PCDHA3: variants seen among roughly 807,000 people sequenced by gnomAD.
PCDHA3 encodes protocadherin alpha 3.
In PCDHA3, 41 loss-of-function variants were observed where a neutral mutation model predicts 62.2. That is an observed-to-expected ratio of 0.66 (90% CI 0.51 to 0.86). The LOEUF (loss-of-function observed/expected upper bound fraction) is 0.86, where lower values mean the gene tolerates loss of function less well. PCDHA3 is among the 40% of genes least tolerant of loss of function. The pLI is 0.00. For missense variants in PCDHA3, 1,304 were observed against 1,241.2 expected (o/e 1.05, Z -0.76); for synonymous variants, 640 against 555.4 (o/e 1.15, Z -2.14).
chr5:140,841,253 G>A, intron 1 of PCDHA3: 1 of 1,510,284 alleles, frequency 6.6e-7, no homozygotes, highest in Non-Finnish European at 8.9e-7. Context: ...TGGATTAAAA[G>A]ACTCTGAAAG....
chr5:140,939,798 C>A (rs2092461303), intron 1 of PCDHA3, among the ~76,000 whole-genome samples: 1 of 152,138 alleles, frequency 6.6e-6, no homozygotes, highest in African/African-American at 2.4e-5. Flanking sequence ...TATAAATGTT[C>A]TGCATGTTCA....
chr5:140,980,427 C>T (rs551274468), intron 2 of PCDHA3, among the ~76,000 whole-genome samples: 2 of 152,198 alleles, frequency 1.3e-5, no homozygotes, highest in South Asian at 2.1e-4. Flanking sequence ...GTCAAGAGAT[C>T]GAGACCATCC....
At chr5:140,962,622 G>A (rs1389569825) in intron 1 of PCDHA3, among the ~76,000 whole-genome samples, 2 of 152,130 alleles carry the variant, frequency 1.3e-5, no homozygotes, top group African/African-American at 2.4e-5. Context: ...AGGGAGATGT[G>A]AAAAAATTTA....
Position 140,835,306 on chromosome 5 carries a change from T to C in PCDHA3, c.2394+31715T>C, listed in dbSNP as rs2150233599. 44 of 1,612,968 alleles carry C rather than the reference T, an allele frequency of 2.7e-5. No individual in the cohort carries two copies. The South Asian group carries it at 4.5e-4, about 17-fold the overall frequency. The stretch of plus-strand genomic sequence containing the variant: ...GGGGCAATCACAGTGATAGGACATA[T>C]GGATTTTGAAGAAAGTAGAGCACAC... On this transcript the variant is annotated intron_variant, in intron 1 of 3. Transcript: ENST00000522353.
rs1779768738 is a variant in PCDHA3, at chr5:140,845,237, A to G, written c.2394+41646A>G. On this transcript the variant is annotated intron_variant, in intron 1 of 3. Coordinates refer to ENST00000522353, the MANE Select transcript of PCDHA3 (RefSeq NM_018906.3). ...TTTAAAAAATATGATTATCTTTATT[A>G]TCCTGTTTGAATAATATGTGTTTTC... 2.0e-5 allele frequency among the ~76,000 whole-genome samples: 3 copies of G among 149,564 alleles called. 1 individual carries two copies. The South Asian group carries it at 6.4e-4, about 32-fold the overall frequency.
chr5:140,877,657 G>T (rs1554169952), intron 1 of PCDHA3: 2 of 1,613,570 alleles, frequency 1.2e-6, no homozygotes, highest in East Asian at 2.2e-5. Context: ...GCCGCCCACC[G>T]TGAGCCGGTG....
chr5:140,884,384 G>T (rs782701367), intron 1 of PCDHA3: 1 of 1,613,972 alleles, frequency 6.2e-7, no homozygotes. Flanking sequence ...TGCCATCTGC[G>T]CGGTGTCCAG....
chr5:140,828,235 C>A, intron 1 of PCDHA3: 1 of 1,613,970 alleles, frequency 6.2e-7, no homozygotes, highest in East Asian at 2.2e-5. Context: ...TGGGCCGGAT[C>A]GCGCAGGACC....
chr5:140,917,041 A>G (rs891465527), intron 1 of PCDHA3, among the ~76,000 whole-genome samples: 11 of 152,096 alleles, frequency 7.2e-5, no homozygotes, highest in Non-Finnish European at 1.6e-4. Flanking sequence ...AGTCCAGCAC[A>G]GTGTTGTTCC....
intron 1 of PCDHA3, chr5:140,849,824 G>C: frequency 6.3e-7 from 1 of 1,598,646 alleles, no homozygotes; most frequent in East Asian, 2.2e-5. Context: ...GGGTGTCTGT[G>C]GAGGTGGCCG....
intron 1 of PCDHA3, among the ~76,000 whole-genome samples, chr5:140,895,004 T>C (rs535461448): frequency 6.6e-6 from 1 of 152,316 alleles, no homozygotes; most frequent in East Asian, 1.9e-4. Flanking sequence ...CCCTTTTTAC[T>C]TGGACCTTTT....
chr5:140,835,572 T>G lies in PCDHA3; in HGVS notation c.2394+31981T>G, dbSNP rs2150238543. The G allele has an allele frequency of 3.1e-6, 5 of 1,613,896 alleles. 1 individual carries two copies. In the South Asian group the frequency reaches 5.5e-5, roughly 18 times the overall value. ...CCTGACGCCCCGCGTTCCCTTCAAG[T>G]TGGTGTCCACCTTCAAGAATTACTA... On this transcript the variant is annotated intron_variant, in intron 1 of 3. Transcript: ENST00000522353.
chr5:140,995,498 CTG>C (rs1554254703), intron 3 of PCDHA3, among the ~76,000 whole-genome samples: 5 of 152,150 alleles, frequency 3.3e-5, no homozygotes, highest in Non-Finnish European at 5.9e-5. Context: ...CTAAGGTTGA[CTG>C]TGGGTAACTG....
intron 1 of PCDHA3, among the ~76,000 whole-genome samples, chr5:140,898,033 G>T (rs1293808474): frequency 2.6e-5 from 4 of 152,032 alleles, no homozygotes; most frequent in African/African-American, 9.7e-5. Flanking sequence ...TTTTGATGGG[G>T]TTGTTTGTTT....
At chr5:140,986,530 G>C (rs1341824536) in intron 3 of PCDHA3, among the ~76,000 whole-genome samples, 1 of 152,162 alleles carries the variant, frequency 6.6e-6, no homozygotes, top group African/African-American at 2.4e-5. Context: ...GAGGGAACTG[G>C]CCTGGCTTCA....
intron 1 of PCDHA3, chr5:140,856,336 G>A (rs782523397): frequency 1.9e-6 from 3 of 1,598,624 alleles, no homozygotes; most frequent in East Asian, 2.2e-5. Context: ...AGCTGTGCGG[G>A]CGGAGCGTGG....
chr5:140,813,187 T>G (rs1392565210), intron 1 of PCDHA3: 1 of 152,198 alleles, frequency 6.6e-6, no homozygotes, highest in Non-Finnish European at 1.5e-5. Flanking sequence ...GTCCTCTGCT[T>G]CCTTGCTGAT....
intron 1 of PCDHA3, chr5:140,857,485 G>C (rs1554150101): frequency 6.3e-7 from 1 of 1,598,368 alleles, no homozygotes; most frequent in Non-Finnish European, 8.6e-7. Context: ...TGTCTGCGTG[G>C]GACGCGGACG....
intron 1 of PCDHA3, among the ~76,000 whole-genome samples, chr5:140,924,240 G>T (rs1554201838): frequency 2.6e-5 from 4 of 152,186 alleles, no homozygotes; most frequent in Non-Finnish European, 5.9e-5. Flanking sequence ...GGGCTGTTTT[G>T]CATCCTGGTG....
Sources: allele counts gnomAD v4.1 joint callset (sites outside exome capture counted in the v4.1 genomes callset), GRCh38; gene constraint gnomAD v4.1.1; transcripts MANE v1.5; gene names NCBI Gene and HGNC (gene_info 2026-07-23, HGNC 2026-07-21).